LAIR1: variants seen among roughly 807,000 people sequenced by gnomAD.
The protein encoded by LAIR1 is leukocyte-associated immunoglobulin-like receptor 1.
In LAIR1, 24 loss-of-function variants were observed where a neutral mutation model predicts 32.8. That is an observed-to-expected ratio of 0.73 (90% CI 0.53 to 1.03). LAIR1 has a LOEUF of 1.03. Among genes scored for constraint, LAIR1 ranks in the 50% least tolerant of loss-of-function variants. LAIR1 has a pLI of 0.00. For synonymous variants in LAIR1, 150 were observed against 140.5 expected (o/e 1.07, Z -0.48); for missense variants, 355 against 347.5 (o/e 1.02, Z -0.17).
upstream of LAIR1, among the ~76,000 whole-genome samples, chr19:54,369,905 G>C (rs931055125): frequency 1.3e-5 from 2 of 150,390 alleles, no homozygotes; most frequent in African/African-American, 5.0e-5. Flanking sequence ...TGTGGTCGCC[G>C]TAATGATCTC....
chr19:54,366,012 C>T (rs940913590), upstream of LAIR1, among the ~76,000 whole-genome samples: 2 of 152,122 alleles, frequency 1.3e-5, no homozygotes, highest in African/African-American at 2.4e-5. Context: ...CGCCAAGCGA[C>T]GCAGAGGCAG....
chr19:54,358,926 G>A (rs1464684872), intron 4 of LAIR1, among the ~76,000 whole-genome samples: 1 of 151,952 alleles, frequency 6.6e-6, no homozygotes, highest in Non-Finnish European at 1.5e-5. Context: ...ACTGCATGAA[G>A]GTGAGAGAAG....
chr19:54,366,759 A>T (rs923159832), upstream of LAIR1, among the ~76,000 whole-genome samples: 1 of 152,216 alleles, frequency 6.6e-6, no homozygotes, highest in Non-Finnish European at 1.5e-5. Context: ...AAGTGCTGGG[A>T]TTACAGGCGT....
chr19:54,375,971 G>A, the LAIR1 span, among the ~76,000 whole-genome samples: 3 of 151,750 alleles, frequency 2.0e-5, no homozygotes, highest in Non-Finnish European at 4.4e-5. Flanking sequence ...GCCCCCGGTT[G>A]GCAGTTGGAG....
In LAIR1 at chr19:54,356,405, A is replaced by G; in HGVS notation, c.584-7T>C. 1.3e-6 allele frequency: 2 copies of G among 1,598,140 alleles called. No individual in the cohort carries two copies. The highest frequency in any genetic ancestry group is 1.7e-6 in the Non-Finnish European group (2 of 1,172,272). On this transcript the variant is annotated splice_region_variant and splice_polypyrimidine_tract_variant and intron_variant, in intron 6 of 9. Transcript: ENST00000391742. Reference sequence around the variant, plus strand: ...TCCTTGCTTCTGGGGGGCCCTAAGGACAGTCGGGGTGTGAATTAAGGAGAC... The same window carrying G: ...TCCTTGCTTCTGGGGGGCCCTAAGGGCAGTCGGGGTGTGAATTAAGGAGAC...
At chr19:54,365,621 T>C (rs183704760), upstream of LAIR1, among the ~76,000 whole-genome samples, 105 of 152,182 alleles carry the variant, frequency 6.9e-4, no homozygotes, top group African/African-American at 2.4e-3. Flanking sequence ...TGAAACCCTG[T>C]CTCTACTAAA....
upstream of LAIR1, among the ~76,000 whole-genome samples, chr19:54,366,222 G>A (rs1364631369): frequency 6.6e-6 from 1 of 152,178 alleles, no homozygotes; most frequent in African/African-American, 2.4e-5. Flanking sequence ...TTTGTTAACG[G>A]AATAGACCTC....
At chr19:54,361,969 C>T (rs1423878047) in intron 2 of LAIR1, among the ~76,000 whole-genome samples, 7 of 151,706 alleles carry the variant, frequency 4.6e-5, no homozygotes, top group African/African-American at 1.5e-4. Flanking sequence ...TCAAAATTAG[C>T]AAAATCCCTG....
chr19:54,355,765 C>T lies in LAIR1; in HGVS notation c.717+189G>A, dbSNP rs189639309. Among the ~76,000 whole-genome samples, 3 of 152,152 alleles carry T rather than the reference C, an allele frequency of 2.0e-5. No homozygotes were observed. The highest frequency in any genetic ancestry group is 2.0e-4 in the Admixed American group (3 of 15,280). On this transcript the variant is annotated intron_variant, in intron 9 of 9. Transcript: ENST00000391742. This position sits in a 1 kb window ranked among gnomAD's most constrained non-coding sequence, Gnocchi z 4.7. ...CAGCCGGGGAAGTGAGCGTCTTGGACGTGGATCCTCCAGCCCACGGGAGCC... is the reference window on the plus strand; with the variant it reads ...CAGCCGGGGAAGTGAGCGTCTTGGATGTGGATCCTCCAGCCCACGGGAGCC...
intron 5 of LAIR1, 59 bp from the exon 6 acceptor site, chr19:54,356,678 C>G: frequency 6.5e-7 from 1 of 1,529,452 alleles, no homozygotes; most frequent in Non-Finnish European, 9.0e-7. Context: ...CTACTGTATA[C>G]CACACACACG....
chr19:54,373,919 C>G (rs1233635050), upstream of LAIR1, among the ~76,000 whole-genome samples: 1 of 152,226 alleles, frequency 6.6e-6, no homozygotes, highest in African/African-American at 2.4e-5. Context: ...CAGAATATAT[C>G]TGTGCACTTG....
At chr19:54,358,423 C>G (rs1353967522) in intron 4 of LAIR1, 4 of 365,198 alleles carry the variant, frequency 1.1e-5, no homozygotes, top group Non-Finnish European at 1.8e-5. Context: ...ATGATGTAAA[C>G]ATATATAATA....
rs373510732 is a variant in LAIR1, at chr19:54,361,051, C to T, written c.229G>A (p.Ala77Thr). ...CTGGCCTCTGACTCAGATGGACTAG[C>T]TTGAGACACATCTTCAGTATCATTG... ...TYNDTEDVSQ[A>T]SPSESEARFR... The change falls in exon 3 of 10, where the codon GCT becomes ACT. Residue 77 changes from alanine to threonine, a missense_variant. Transcript: ENST00000391742. 221 of 1,614,122 alleles carry T rather than the reference C, an allele frequency of 1.4e-4. No homozygotes were observed. The highest frequency in any genetic ancestry group is 1.8e-4 in the Non-Finnish European group (215 of 1,180,048).
chr19:54,375,691 G>A, the LAIR1 span, among the ~76,000 whole-genome samples: 1 of 151,944 alleles, frequency 6.6e-6, no homozygotes, highest in African/African-American at 2.4e-5. Context: ...CACCTCCCCA[G>A]TGAGGCTTCA....
intron 2 of LAIR1, among the ~76,000 whole-genome samples, chr19:54,363,583 T>C (rs1234192841): frequency 6.6e-6 from 1 of 152,206 alleles, no homozygotes; most frequent in East Asian, 1.9e-4. Context: ...GAGGAGAATG[T>C]GCTGTGTATA....
rs1320616183 is a variant in LAIR1 at position 54,354,362 on chromosome 19, T to C, written c.*906A>G. 1 of 152,220 alleles carries C rather than the reference T, an allele frequency of 6.6e-6. No homozygotes were observed. Among genetic ancestry groups the C allele is most frequent in the Admixed American group, 6.5e-5 (1 of 15,284 alleles). The allele number at this position is 152,220 out of a possible 1,614,324, so 9.4% of individuals were successfully genotyped here. A position where few individuals can be genotyped will look rare whatever the true frequency, so the allele number is the denominator to read the frequency against. ...CTCCCTCATTCATTCCTGATACACG[T>C]GATTTGTCAGAAAACACTGACACCA... On this transcript the variant is annotated 3_prime_UTR_variant, in exon 10 of 10. Transcript: ENST00000391742.
chr19:54,351,947 T>C lies in LAIR1; in HGVS notation c.*3321A>G, dbSNP rs1328777372. ...CAAACATTCTCACTTGTTCATGCTG[T>C]ATTCAACGTCGAGCCCATTTTCTTT... On this transcript the variant is annotated 3_prime_UTR_variant, in exon 10 of 10. Coordinates refer to ENST00000391742, the MANE Select transcript of LAIR1 (RefSeq NM_002287.6). 2 of 152,216 alleles carry C rather than the reference T, an allele frequency of 1.3e-5. No individual in the cohort carries two copies. Among genetic ancestry groups the C allele is most frequent in the East Asian group, 3.8e-4 (2 of 5,196 alleles). 9.4% of individuals were successfully genotyped at this position (152,216 alleles called of 1,614,324 possible). A position where few individuals can be genotyped will look rare whatever the true frequency, so the allele number is the denominator to read the frequency against.
At chr19:54,362,030 C>T (rs2082051154) in intron 2 of LAIR1, among the ~76,000 whole-genome samples, 1 of 151,424 alleles carries the variant, frequency 6.6e-6, no homozygotes. Context: ...CGTCTTCATT[C>T]ATTCCTTATT....
In LAIR1 at chr19:54,354,584, C is replaced by A. The variant is rs554447959; in HGVS notation, c.*684G>T. ...AAACGCTGACACGTTTTCGTAAGTC[C>A]TGTTTCCCTCACTCAGCTTTGAACA... On this transcript the variant is annotated 3_prime_UTR_variant, in exon 10 of 10. Transcript: ENST00000391742. The A allele has an allele frequency of 6.6e-6, 1 of 152,346 alleles. No individual in the cohort carries two copies. The highest frequency in any genetic ancestry group is 2.1e-4 in the South Asian group (1 of 4,826). The allele number at this position is 152,346 out of a possible 1,614,324, so 9.4% of individuals were successfully genotyped here.
Sources: gnomAD v4.1 joint callset for allele counts (sites outside exome capture counted in the v4.1 genomes callset) on GRCh38, gnomAD v4.1.1 for gene constraint, Gnocchi (gnomAD v3.1) non-coding constraint, MANE v1.5 for transcripts, NCBI Gene and HGNC (gene_info 2026-07-23, HGNC 2026-07-21) for gene names.